AK5: variants seen among roughly 807,000 people sequenced by gnomAD.
AK5 encodes the protein adenylate kinase 5, also known as adenylate kinase isoenzyme 5.
A neutral mutation model predicts 69.5 loss-of-function variants in AK5; 27 were observed. That is an observed-to-expected ratio of 0.39 (90% CI 0.29 to 0.54). The LOEUF is 0.54. AK5 is among the 20% of genes least tolerant of loss of function. The probability of loss-of-function intolerance (pLI) is 0.71; values close to 1 mark genes in which losing one functional copy is unlikely to be tolerated. For missense variants in AK5, 531 were observed against 700.4 expected (o/e 0.76, Z 2.73); for synonymous variants, 260 against 244.4 (o/e 1.06, Z -0.60).
intron 6 of AK5, among the ~76,000 whole-genome samples, chr1:77,397,451 G>T (rs1164182605): frequency 1.3e-5 from 2 of 152,146 alleles, no homozygotes; most frequent in Non-Finnish European, 2.9e-5. Flanking sequence ...TCCTTACTTT[G>T]AGTCCACTTC....
At chr1:77,422,465 G>T (rs1282553721) in intron 8 of AK5, among the ~76,000 whole-genome samples, 1 of 152,062 alleles carries the variant, frequency 6.6e-6, no homozygotes, top group South Asian at 2.1e-4. Flanking sequence ...CTCATCCATT[G>T]CCACTTATCA....
intron 5 of AK5, among the ~76,000 whole-genome samples, chr1:77,337,523 A>G (rs936508419): frequency 6.6e-6 from 1 of 152,152 alleles, no homozygotes; most frequent in Non-Finnish European, 1.5e-5. Context: ...GTAAATTTTA[A>G]ATTATATCTT....
At chr1:77,520,395 G>A (rs565253102) in intron 11 of AK5, among the ~76,000 whole-genome samples, 15 of 152,096 alleles carry the variant, frequency 9.9e-5, no homozygotes, top group Non-Finnish European at 2.1e-4. Flanking sequence ...TCCAATGGCT[G>A]CCCGCCACAC....
chr1:77,510,903 C>T (rs1657310879), intron 10 of AK5, among the ~76,000 whole-genome samples: 1 of 151,164 alleles, frequency 6.6e-6, no homozygotes, highest in Non-Finnish European at 1.5e-5. Context: ...ATACATGTAT[C>T]TGTACATACA....
chr1:77,301,778 A>G (rs910679234), intron 5 of AK5, among the ~76,000 whole-genome samples: 1 of 152,218 alleles, frequency 6.6e-6, no homozygotes, highest in Non-Finnish European at 1.5e-5. Context: ...AAAGGCTCCT[A>G]TTCAAAAAAG....
chr1:77,440,127 G>A, intron 8 of AK5, among the ~76,000 whole-genome samples: 1 of 152,186 alleles, frequency 6.6e-6, no homozygotes, highest in Middle Eastern at 3.4e-3. Context: ...TTGCTTCCAG[G>A]TGTAGGGCTC....
chr1:77,558,821 A>G lies in AK5; in HGVS notation c.*151A>G. 1.6e-6 allele frequency: 1 copy of G among 627,148 alleles called. No individual in the cohort carries two copies. Among genetic ancestry groups the G allele is most frequent in the Non-Finnish European group, 2.9e-6 (1 of 343,402 alleles). The allele number at this position is 627,148 out of a possible 1,614,324, so 38.8% of individuals were successfully genotyped here. ...ACAGCACTGTTTGCTTCCCAGCTAG[A>G]CCTGTGTGAGAGGTGTCTGGAAATC... On this transcript the variant is annotated 3_prime_UTR_variant, in exon 14 of 14. Transcript: ENST00000354567.
rs529952048 is a variant in AK5 at position 77,336,949 on chromosome 1, C to T, written c.700-3428C>T. ...ACTAGTCATATGGCATTAATTTATA[C>T]CAAGGAAAGACAGCAAATTAATCAC... On this transcript the variant is annotated intron_variant, in intron 5 of 13. Transcript: ENST00000354567. Among the ~76,000 whole-genome samples, 7 of 152,218 alleles carry T rather than the reference C, an allele frequency of 4.6e-5. No individual in the cohort carries two copies. The South Asian group carries it at 1.5e-3, about 32-fold the overall frequency.
intron 8 of AK5, among the ~76,000 whole-genome samples, chr1:77,482,042 G>A (rs1325467221): frequency 6.6e-6 from 1 of 152,220 alleles, no homozygotes; most frequent in Non-Finnish European, 1.5e-5. Flanking sequence ...AAAGCAAGTG[G>A]AGGAGCAATG....
At chr1:77,289,456 G>A (rs1658554267) in intron 2 of AK5, among the ~76,000 whole-genome samples, 1 of 151,938 alleles carries the variant, frequency 6.6e-6, no homozygotes, top group Admixed American at 6.6e-5. Flanking sequence ...CATCAAGGGG[G>A]GTAAATATGG....
At chr1:77,340,758 T>G (rs2100382918) in intron 6 of AK5, 190 bp downstream of exon 6, 2 of 449,306 alleles carry the variant, frequency 4.5e-6, no homozygotes, top group South Asian at 7.0e-5. Flanking sequence ...TTAAAAAAAC[T>G]TTCTTTTTAA....
chr1:77,411,454 C>G (rs1198222215), intron 7 of AK5, among the ~76,000 whole-genome samples: 1 of 152,164 alleles, frequency 6.6e-6, no homozygotes, highest in Admixed American at 6.5e-5. Flanking sequence ...AAAGCATCCC[C>G]TCCAATCTGG....
chr1:77,509,188 G>GGGCACTGATAAACTATACACA (rs1336139734), intron 10 of AK5, among the ~76,000 whole-genome samples: 1 of 152,072 alleles, frequency 6.6e-6, no homozygotes, highest in Non-Finnish European at 1.5e-5. Context: ...TACTATACAC[G>GGGCACTGATAAACTATACACA]GGCACTGATA....
chr1:77,427,660 A>G (rs1651303522), intron 8 of AK5, among the ~76,000 whole-genome samples: 1 of 152,180 alleles, frequency 6.6e-6, no homozygotes, highest in Non-Finnish European at 1.5e-5. Flanking sequence ...AGACATTACA[A>G]AAAAAGAAAA....
At chr1:77,375,088 A>G (rs1289927173) in intron 6 of AK5, among the ~76,000 whole-genome samples, 1 of 152,204 alleles carries the variant, frequency 6.6e-6, no homozygotes, top group Admixed American at 6.5e-5. Context: ...ACTATAGGGT[A>G]TTATTAGTTT....
chr1:77,400,738 GA>G (rs1196553287), intron 6 of AK5, among the ~76,000 whole-genome samples: 1 of 151,872 alleles, frequency 6.6e-6, no homozygotes, highest in Non-Finnish European at 1.5e-5. Flanking sequence ...TTATTGTGTT[GA>G]CTTTTTCCCC....
At chr1:77,521,262 T>G (rs552752965) in intron 11 of AK5, among the ~76,000 whole-genome samples, 174 of 151,968 alleles carry the variant, frequency 1.1e-3, no homozygotes, top group Non-Finnish European at 2.1e-3. Flanking sequence ...ACCTCCTGAG[T>G]AGCTGGGATT....
chr1:77,437,727 C>G (rs1652039670), intron 8 of AK5, among the ~76,000 whole-genome samples: 1 of 152,036 alleles, frequency 6.6e-6, no homozygotes, highest in Admixed American at 6.6e-5. Context: ...ATTTGTTTGT[C>G]TGATTTACTT....
rs190243306 is a variant in AK5, at chr1:77,545,616, T to A, written c.1620+9578T>A. ...CAAAGGCTGATTTTTTTTAACTCAT[T>A]CATTTCTACTCCCCTGGCTCTCCAT... On this transcript the variant is annotated intron_variant, in intron 13 of 13. Transcript: ENST00000354567. Among the ~76,000 whole-genome samples, 5 of 152,330 alleles carry A rather than the reference T, an allele frequency of 3.3e-5. No homozygotes were observed. In the East Asian group the frequency reaches 9.6e-4, roughly 29 times the overall value.
Sources: allele counts gnomAD v4.1 joint callset (sites outside exome capture counted in the v4.1 genomes callset), GRCh38; gene constraint gnomAD v4.1.1; transcripts MANE v1.5; gene names NCBI Gene and HGNC (gene_info 2026-07-23, HGNC 2026-07-21).